Variants in ETS1 observed in about 807,000 individuals in gnomAD.
ETS1 encodes protein C-ets-1.
Under a neutral mutation model 58.6 loss-of-function variants are expected in ETS1, and 15 were observed. The ratio of observed to expected loss-of-function variants is 0.26; its 90% CI spans 0.17 to 0.39. ETS1 has a LOEUF of 0.39. Among genes scored for constraint, ETS1 ranks in the 10% least tolerant of loss-of-function variants. ETS1 has a pLI of 1.00. For synonymous variants in ETS1, 214 were observed against 218.2 expected (o/e 0.98, Z 0.17); for missense variants, 417 against 610.5 (o/e 0.68, Z 3.34).
chr11:128,481,183 C>G (rs1338261009), intron 7 of ETS1, among the ~76,000 whole-genome samples: 1 of 152,054 alleles, frequency 6.6e-6, no homozygotes, highest in Non-Finnish European at 1.5e-5. Flanking sequence ...AAATTATGTA[C>G]TTGAAATTTA....
intron 1 of ETS1, among the ~76,000 whole-genome samples, chr11:128,580,521 G>A (rs982396021): frequency 5.3e-5 from 8 of 152,150 alleles, no homozygotes; most frequent in Non-Finnish European, 1.0e-4. Flanking sequence ...TGGTTACAAC[G>A]CATAGAAAAG....
intron 3 of ETS1, among the ~76,000 whole-genome samples, chr11:128,534,034 G>A (rs1040043939): frequency 1.3e-4 from 20 of 152,192 alleles, no homozygotes; most frequent in African/African-American, 3.6e-4. Flanking sequence ...AGTAAAGGGC[G>A]TTATTATTTT....
chr11:128,572,710 C>A (rs1864661110), intron 2 of ETS1, among the ~76,000 whole-genome samples: 1 of 152,038 alleles, frequency 6.6e-6, no homozygotes, highest in Non-Finnish European at 1.5e-5. Context: ...AAAGTAAGTT[C>A]AATTATAATA....
At chr11:128,490,076 A>G (rs1019723963) in intron 4 of ETS1, among the ~76,000 whole-genome samples, 3 of 152,236 alleles carry the variant, frequency 2.0e-5, no homozygotes, top group Admixed American at 2.0e-4. Flanking sequence ...CTTGAGTAGC[A>G]CTGTAGTATT....
At chr11:128,482,831 G>A (rs1333804948) in intron 7 of ETS1, among the ~76,000 whole-genome samples, 1 of 152,132 alleles carries the variant, frequency 6.6e-6, no homozygotes, top group Non-Finnish European at 1.5e-5. Flanking sequence ...AGCTATCTGA[G>A]TCCACCAAAC....
At chr11:128,485,346 T>C (rs1037933487) in intron 6 of ETS1, among the ~76,000 whole-genome samples, 1 of 152,188 alleles carries the variant, frequency 6.6e-6, no homozygotes, top group Non-Finnish European at 1.5e-5. Flanking sequence ...GAAATGAGGA[T>C]AGAGGTCAAA....
At chr11:128,527,170 G>T (rs1162437750) in intron 3 of ETS1, 1 of 333,984 alleles carries the variant, frequency 3.0e-6, no homozygotes, top group Admixed American at 4.3e-5. Context: ...TACATTGCAG[G>T]ATAACCACAC....
intron 3 of ETS1, among the ~76,000 whole-genome samples, chr11:128,493,466 G>A (rs565744132): frequency 3.3e-5 from 5 of 152,268 alleles, no homozygotes; most frequent in African/African-American, 7.2e-5. Flanking sequence ...CCCAGTCCAC[G>A]TGCTGTTGGG....
Position 128,560,595 on chromosome 11 carries a change from G to A in ETS1, c.70-4160C>T, listed in dbSNP as rs916445409. Among the ~76,000 whole-genome samples, 21 of 152,206 alleles carry A rather than the reference G, an allele frequency of 1.4e-4. No homozygotes were observed. The East Asian group carries it at 1.9e-3, about 14-fold the overall frequency. ...GATTTCAGATTGTCTTTTCTGCTAC[G>A]TGCACAACATGCAGCTTGCATGGCT... On this transcript the variant is annotated intron_variant, in intron 2 of 9. Transcript: ENST00000392668.
chr11:128,515,535 C>G (rs1319593181), intron 3 of ETS1, among the ~76,000 whole-genome samples: 1 of 152,112 alleles, frequency 6.6e-6, no homozygotes, highest in Non-Finnish European at 1.5e-5. Context: ...GGTCTAAACC[C>G]TGAAATTGGC....
intron 3 of ETS1, among the ~76,000 whole-genome samples, chr11:128,554,547 A>T (rs1274899952): frequency 6.6e-6 from 1 of 152,164 alleles, no homozygotes; most frequent in Non-Finnish European, 1.5e-5. Flanking sequence ...CTTGACAAAG[A>T]GCAGCATGAA....
intron 8 of ETS1, among the ~76,000 whole-genome samples, chr11:128,477,168 G>T (rs1476975407): frequency 6.6e-6 from 1 of 152,188 alleles, no homozygotes; most frequent in African/African-American, 2.4e-5. Context: ...TTCCCAGCTT[G>T]GAGAATCTAA....
chr11:128,526,665 C>T, intron 3 of ETS1: 1 of 314,302 alleles, frequency 3.2e-6, no homozygotes. Context: ...TGGCAACCTG[C>T]CCAGCATCAG....
chr11:128,462,217 G>A lies in ETS1; in HGVS notation c.*144C>T. ...CAACTGCGCACAATTGATTACAGCTGCAACTGACTTAGCTCCCACCCCTGA... is the reference window on the plus strand; with the variant it reads ...CAACTGCGCACAATTGATTACAGCTACAACTGACTTAGCTCCCACCCCTGA... On this transcript the variant is annotated 3_prime_UTR_variant, in exon 10 of 10. Coordinates refer to ENST00000392668, the MANE Select transcript of ETS1 (RefSeq NM_001143820.2). 1 of 642,322 alleles carries A rather than the reference G, an allele frequency of 1.6e-6. No individual in the cohort carries two copies. Among genetic ancestry groups the A allele is most frequent in the Non-Finnish European group, 2.7e-6 (1 of 374,768 alleles). 39.8% of individuals were successfully genotyped at this position (642,322 alleles called of 1,614,324 possible).
intron 2 of ETS1, 58 bp from the exon 3 acceptor site, chr11:128,556,493 C>T (rs1864315400): frequency 8.3e-7 from 1 of 1,206,428 alleles, no homozygotes; most frequent in Admixed American, 2.6e-5. Flanking sequence ...TTGTTTAGCC[C>T]TAAAGAACTA....
intron 4 of ETS1, among the ~76,000 whole-genome samples, chr11:128,489,863 A>T (rs1254058078): frequency 6.6e-6 from 1 of 152,200 alleles, no homozygotes; most frequent in East Asian, 1.9e-4. Flanking sequence ...ATAACAAGAG[A>T]TTGCTCATGC....
At position 128,549,640 on chromosome 11, in the gene ETS1, C is replaced by T. The variant is rs907369111; in HGVS notation, c.214+6651G>A. 6.6e-6 allele frequency among the ~76,000 whole-genome samples: 1 copy of T among 152,206 alleles called. No individual in the cohort carries two copies. Among genetic ancestry groups the T allele is most frequent in the African/African-American group, 2.4e-5 (1 of 41,462 alleles). The stretch of plus-strand genomic sequence containing the variant: ...GGCGGAAGGCTTGCCTTTCCACTGT[C>T]ACTCCACGAACCCAGCCCAGAGGCT... On this transcript the variant is annotated intron_variant, in intron 3 of 9. Coordinates refer to ENST00000392668, the MANE Select transcript of ETS1 (RefSeq NM_001143820.2). This position sits in a 1 kb window ranked among gnomAD's most constrained non-coding sequence, Gnocchi z 4.3.
At chr11:128,499,349 C>T (rs1435107392) in intron 3 of ETS1, among the ~76,000 whole-genome samples, 1 of 152,162 alleles carries the variant, frequency 6.6e-6, no homozygotes, top group Non-Finnish European at 1.5e-5. Flanking sequence ...ATCATTCCTG[C>T]TATTTGACTA....
At chr11:128,553,238 TAGG>T (rs956728910) in intron 3 of ETS1, among the ~76,000 whole-genome samples, 8 of 152,286 alleles carry the variant, frequency 5.3e-5, no homozygotes, top group African/African-American at 1.4e-4. Context: ...AGGCGGACGG[TAGG>T]AGGAGGTAGA....
Sources: gnomAD v4.1 joint callset for allele counts (sites outside exome capture counted in the v4.1 genomes callset) on GRCh38, gnomAD v4.1.1 for gene constraint, Gnocchi (gnomAD v3.1) non-coding constraint, MANE v1.5 for transcripts, NCBI Gene and HGNC (gene_info 2026-07-23, HGNC 2026-07-21) for gene names.